The following CTTNBP2 variants were observed in gnomAD, a reference collection of about 807,000 sequenced individuals.
The protein encoded by CTTNBP2 is cortactin binding protein 2, also known as cortactin-binding protein 2.
CTTNBP2 carries 108 observed loss-of-function variants against 156.9 expected under a neutral mutation model. The ratio of observed to expected loss-of-function variants is 0.69; its 90% confidence interval spans 0.59 to 0.81. The LOEUF is 0.81. Ranked by LOEUF, CTTNBP2 falls within the 30% of genes least tolerant of loss-of-function variation. CTTNBP2 has a pLI of 0.00. For synonymous variants in CTTNBP2, 767 were observed against 751.8 expected (o/e 1.02, Z -0.33); for missense variants, 1,924 against 2,035.4 (o/e 0.95, Z 1.05).
At chr7:117,714,352 A>G (rs990516046) in intron 22 of CTTNBP2, 26 of 152,262 alleles carry the variant, frequency 1.7e-4, no homozygotes, top group Admixed American at 1.5e-3. Flanking sequence ...ACTAAGGCCA[A>G]TTAGAACTTG....
Position 117,756,766 on chromosome 7 carries a change from G to A in CTTNBP2, c.3269-132C>T, listed in dbSNP as rs147861165. 6.0e-5 allele frequency: 42 copies of A among 700,318 alleles called. No homozygotes were observed. The Middle Eastern group carries it at 1.7e-3, about 29-fold the overall frequency. The allele number at this position is 700,318 out of a possible 1,614,324, so 43.4% of individuals were successfully genotyped here. A position where few individuals can be genotyped will look rare whatever the true frequency, so the allele number is the denominator to read the frequency against. ...GTAGGCAGAGCTGACATTTGGCCAGGAGGCACCAATGTGCCTTTCTGTTGT... is the reference window on the plus strand; with the variant it reads ...GTAGGCAGAGCTGACATTTGGCCAGAAGGCACCAATGTGCCTTTCTGTTGT... On this transcript the variant is annotated intron_variant, in intron 11 of 22. Coordinates refer to ENST00000160373, the MANE Select transcript of CTTNBP2 (RefSeq NM_033427.3).
chr7:117,836,884 C>T (rs564710879), intron 2 of CTTNBP2, among the ~76,000 whole-genome samples: 9 of 152,228 alleles, frequency 5.9e-5, no homozygotes, highest in East Asian at 1.9e-4. Flanking sequence ...TGGGGGAAAC[C>T]GCCCCCATGA....
At position 117,719,622 on chromosome 7, in the gene CTTNBP2, T is replaced by A. The variant is rs1365972473; in HGVS notation, c.4526A>T (p.Asp1509Val). 4 of 1,613,392 alleles carry A rather than the reference T, an allele frequency of 2.5e-6. No individual in the cohort carries two copies. The South Asian group carries it at 4.4e-5, about 18-fold the overall frequency. Residue 1509 changes from aspartate (D) to valine (V), a missense_variant, in exon 21 of 23, where the codon GAT (aspartate) becomes GTT (valine). Asp to Val is a radical substitution (Grantham distance 152). Coordinates refer to ENST00000160373, the MANE Select transcript of CTTNBP2 (RefSeq NM_033427.3). ...SLSKQKSLEN[D>V]LSLTLNLDQR... is the part of the protein sequence containing the mutation. ...ATCCAAATTCAACGTCAGTGATAGA[T>A]CATTCTCTAAAGACCTAACACAAAG...
At chr7:117,746,170 T>G in intron 12 of CTTNBP2, 71 bp from the exon 13 acceptor site, 1 of 1,006,044 alleles carries the variant, frequency 9.9e-7, no homozygotes, top group Non-Finnish European at 1.5e-6. Context: ...GGTACACAGG[T>G]GTGGAATTCT....
intron 4 of CTTNBP2, 61 bp downstream of exon 4, chr7:117,791,067 A>G (rs998934925): frequency 1.4e-6 from 2 of 1,382,064 alleles, no homozygotes; most frequent in African/African-American, 2.9e-5. Context: ...GAAGAAAATC[A>G]AGGCAAGTGA....
chr7:117,799,100 A>G (rs1370423127), intron 3 of CTTNBP2, among the ~76,000 whole-genome samples: 1 of 151,660 alleles, frequency 6.6e-6, no homozygotes, highest in East Asian at 1.9e-4. Flanking sequence ...TCTAGAAAAC[A>G]TTAAAGAAAA....
chr7:117,812,499 A>G (rs1409923502), intron 2 of CTTNBP2, among the ~76,000 whole-genome samples: 4 of 152,034 alleles, frequency 2.6e-5, no homozygotes, highest in African/African-American at 9.7e-5. Flanking sequence ...GACAAATGGG[A>G]AAAATCTAAC....
At chr7:117,831,683 TAGA>T (rs80129403) in intron 2 of CTTNBP2, among the ~76,000 whole-genome samples, 77,181 of 151,346 alleles carry the variant, frequency 0.51, 20,277 homozygotes, top group East Asian at 0.71. Flanking sequence ...TCATGTTGGC[TAGA>T]AGGAGCCTAT....
intron 2 of CTTNBP2, among the ~76,000 whole-genome samples, chr7:117,830,226 A>G (rs529436700): frequency 1.3e-5 from 2 of 152,344 alleles, no homozygotes; most frequent in East Asian, 3.9e-4. Context: ...AAATACATGC[A>G]CAAGTACATG....
intron 2 of CTTNBP2, among the ~76,000 whole-genome samples, chr7:117,820,570 G>T (rs1800897193): frequency 6.6e-6 from 1 of 152,066 alleles, no homozygotes; most frequent in African/African-American, 2.4e-5. Context: ...AGAAATAAAG[G>T]GTTGATGTTC....
rs562396972 is a variant in CTTNBP2, at chr7:117,764,756, G to A, written c.2896+2303C>T. Among the ~76,000 whole-genome samples the A allele has an allele frequency of 3.9e-5, 6 of 152,152 alleles. No homozygotes were observed. In the East Asian group the frequency reaches 1.2e-3, roughly 29 times the overall value. On this transcript the variant is annotated intron_variant, in intron 9 of 22. Coordinates refer to ENST00000160373, the MANE Select transcript of CTTNBP2 (RefSeq NM_033427.3). ...TTCCTAATAGATTTCCATTTAGAGT[G>A]CTTTCAGTTTTCTAGTATTACACAC...
chr7:117,847,926 C>CTCCTGCCTCA (rs1297324716), intron 2 of CTTNBP2, among the ~76,000 whole-genome samples: 3 of 140,542 alleles, frequency 2.1e-5, no homozygotes, highest in Non-Finnish European at 4.5e-5. Flanking sequence ...TCAAGTGATT[C>CTCCTGCCTCA]TCCTGCCTCA....
chr7:117,783,985 C>T (rs1432765977), intron 5 of CTTNBP2, among the ~76,000 whole-genome samples: 1 of 152,140 alleles, frequency 6.6e-6, no homozygotes, highest in Non-Finnish European at 1.5e-5. Context: ...GTATTTCTAA[C>T]AGACCATAAA....
chr7:117,768,581 A>AGAAAGAAAGAAAG (rs1554419705), intron 8 of CTTNBP2, among the ~76,000 whole-genome samples: 1 of 99,112 alleles, frequency 1.0e-5, no homozygotes, highest in African/African-American at 4.8e-5. Context: ...AAAAAAAAAA[A>AGAAAGAAAGAAAG]AAAGAAAGAA....
rs550205232 is a variant in CTTNBP2 at position 117,784,405 on chromosome 7, G to T, written c.2118C>A (p.Pro706=). 1.2e-5 allele frequency: 20 copies of T among 1,612,978 alleles called. No individual in the cohort carries two copies. The highest frequency in any genetic ancestry group is 1.4e-5 in the Non-Finnish European group (17 of 1,179,662). ...TPLLMSGGPA[P]LAGRPTLLQQ... ...GAAGAAGGGTGGGCCTGCCAGCCAG[G>T]GGGGCAGGACCACCACTCATTAGCA... The change falls in exon 5 of 23, where the codon CCC becomes CCA. Residue 706 remains proline, a synonymous_variant. Coordinates refer to ENST00000160373, the MANE Select transcript of CTTNBP2 (RefSeq NM_033427.3).
chr7:117,819,836 A>G (rs886358239), intron 2 of CTTNBP2, among the ~76,000 whole-genome samples: 1 of 152,216 alleles, frequency 6.6e-6, no homozygotes, highest in African/African-American at 2.4e-5. Context: ...CATGCCAGGA[A>G]TATACATAAT....
At chr7:117,790,932 T>G (rs1253894520) in intron 4 of CTTNBP2, among the ~76,000 whole-genome samples, 196 bp downstream of exon 4, 3 of 150,970 alleles carry the variant, frequency 2.0e-5, no homozygotes, top group Non-Finnish European at 4.4e-5. Context: ...AAACCGCAAT[T>G]CATATAGCAA....
intron 7 of CTTNBP2, among the ~76,000 whole-genome samples, chr7:117,778,801 TTTTGGTGA>T (rs1266166145): frequency 6.6e-6 from 1 of 152,194 alleles, no homozygotes; most frequent in Non-Finnish European, 1.5e-5. Flanking sequence ...CCTGGCCTTA[TTTTGGTGA>T]TTTGGTGATT....
chr7:117,732,208 A>T (rs1471440801), intron 16 of CTTNBP2, among the ~76,000 whole-genome samples: 1 of 152,172 alleles, frequency 6.6e-6, no homozygotes, highest in East Asian at 1.9e-4. Context: ...AAATGTGCAC[A>T]TTTTAAATAA....
Sources: gnomAD v4.1 joint callset for allele counts (sites outside exome capture counted in the v4.1 genomes callset) on GRCh38, gnomAD v4.1.1 for gene constraint, MANE v1.5 for transcripts, NCBI Gene and HGNC (gene_info 2026-07-23, HGNC 2026-07-21) for gene names.